Variants in CRY1 observed in about 807,000 individuals in gnomAD.
CRY1 encodes cryptochrome-1.
In CRY1, 45 loss-of-function variants were observed where a neutral mutation model predicts 76.0. That is an observed-to-expected ratio of 0.59 (90% CI 0.47 to 0.76). CRY1 has a LOEUF of 0.76. Ranked by LOEUF, CRY1 falls within the 30% of genes least tolerant of loss-of-function variation. The probability of loss-of-function intolerance (pLI) is 0.00; values close to 1 mark genes in which losing one functional copy is unlikely to be tolerated. For missense variants in CRY1, 587 were observed against 716.4 expected (o/e 0.82, Z 2.06); for synonymous variants, 248 against 244.0 (o/e 1.02, Z -0.15).
chr12:107,031,499 C>T (rs1286822671), intron 1 of CRY1, among the ~76,000 whole-genome samples: 1 of 151,850 alleles, frequency 6.6e-6, no homozygotes, highest in Non-Finnish European at 1.5e-5. Context: ...TAAAATCTCT[C>T]CTTGAATGGA....
At chr12:106,997,847 T>C (rs1441298072) in intron 8 of CRY1, 68 bp downstream of exon 8, 2 of 1,573,926 alleles carry the variant, frequency 1.3e-6, no homozygotes, top group Non-Finnish European at 1.7e-6. Context: ...CTTTAAGCAT[T>C]GATTAAACAT....
chr12:107,034,136 G>C (rs6539300), intron 1 of CRY1, among the ~76,000 whole-genome samples: 105,759 of 151,512 alleles, frequency 0.7, 37,759 homozygotes, highest in East Asian at 0.97. Flanking sequence ...AGTAAAGAAG[G>C]TAGCCAAAAC....
At position 107,044,603 on chromosome 12, in the gene CRY1, A is replaced by G. The variant is rs533128933; in HGVS notation, c.159-22411T>C. Among the ~76,000 whole-genome samples, 50 of 152,346 alleles carry G rather than the reference A, an allele frequency of 3.3e-4. No homozygotes were observed. In the South Asian group the frequency reaches 0.01, roughly 31 times the overall value. ...ATGCACAGACATCAATGCAGGGACC[A>G]ATACAGACAGACTATTCAATGAAAT... On this transcript the variant is annotated intron_variant, in intron 1 of 12. Transcript: ENST00000008527.
At chr12:107,043,200 G>C (rs989074762) in intron 1 of CRY1, 1 of 152,226 alleles carries the variant, frequency 6.6e-6, no homozygotes, top group Admixed American at 6.5e-5. Context: ...AGCAGAGACA[G>C]AGCCACTTTA....
At chr12:107,051,270 A>T (rs1037564189) in intron 1 of CRY1, among the ~76,000 whole-genome samples, 4 of 152,212 alleles carry the variant, frequency 2.6e-5, no homozygotes, top group Non-Finnish European at 5.9e-5. Context: ...CCTGTGAGTC[A>T]CATTATCTTA....
chr12:107,014,224 T>C (rs1287276815), intron 2 of CRY1, among the ~76,000 whole-genome samples: 3 of 152,176 alleles, frequency 2.0e-5, no homozygotes, highest in Non-Finnish European at 2.9e-5. Flanking sequence ...TCCTGGTAGG[T>C]ATGGGCTAAC....
intron 1 of CRY1, among the ~76,000 whole-genome samples, chr12:107,025,196 AT>A (rs1000206679): frequency 1.8e-4 from 27 of 152,282 alleles, no homozygotes; most frequent in African/African-American, 6.0e-4. Flanking sequence ...AAACAAACAC[AT>A]TTTTTTAACT....
At chr12:107,070,376 A>G (rs1418626605) in intron 1 of CRY1, among the ~76,000 whole-genome samples, 2 of 152,234 alleles carry the variant, frequency 1.3e-5, no homozygotes. Flanking sequence ...AATACAACAC[A>G]ATAGCATTTA....
chr12:107,041,675 C>T (rs1952801346), intron 1 of CRY1, among the ~76,000 whole-genome samples: 1 of 149,194 alleles, frequency 6.7e-6, no homozygotes, highest in African/African-American at 2.5e-5. Flanking sequence ...GAAGTATGTT[C>T]AACATGTTTA....
At chr12:107,036,575 A>G (rs965706301) in intron 1 of CRY1, among the ~76,000 whole-genome samples, 2 of 149,232 alleles carry the variant, frequency 1.3e-5, no homozygotes, top group Non-Finnish European at 2.9e-5. Flanking sequence ...CAGTCCATTT[A>G]AAGTTGGTGG....
rs909656583 is a variant in CRY1, at chr12:107,006,644, T to G, written c.268-1396A>C. Among the ~76,000 whole-genome samples, 98 of 151,218 alleles carry G rather than the reference T, an allele frequency of 6.5e-4. No homozygotes were observed. In the East Asian group the frequency reaches 0.014, roughly 21 times the overall value. ...AATAATATGTATTAGTAATCTTTTT[T>G]TTTTTTTTTTTTAGATGACATCTCA... On this transcript the variant is annotated intron_variant, in intron 2 of 12. Coordinates refer to ENST00000008527, the MANE Select transcript of CRY1 (RefSeq NM_004075.5).
At chr12:107,067,982 G>A (rs939738335) in intron 1 of CRY1, among the ~76,000 whole-genome samples, 8 of 152,194 alleles carry the variant, frequency 5.3e-5, no homozygotes, top group African/African-American at 1.9e-4. Context: ...TCTCTTTGTT[G>A]CTATTATACA....
intron 4 of CRY1, 54 bp from the exon 5 acceptor site, chr12:107,001,422 A>G (rs997264286): frequency 7.0e-7 from 1 of 1,423,852 alleles, no homozygotes; most frequent in Non-Finnish European, 9.7e-7. Flanking sequence ...TTTTTATTTA[A>G]CCCCAATAAC....
rs998931393 is a variant in CRY1 at position 106,991,999 on chromosome 12, T to C, written c.*3A>G. ...CTGCAACAGTATTCCTCCTGAATGT[T>C]TTCTGTGATTTAAGGGGGAAAAAAA... On this transcript the variant is annotated splice_region_variant and 3_prime_UTR_variant, in exon 13 of 13. Transcript: ENST00000008527. 3.9e-5 allele frequency: 6 copies of C among 152,186 alleles called. No individual in the cohort carries two copies. Among genetic ancestry groups the C allele is most frequent in the Non-Finnish European group, 8.8e-5 (6 of 68,000 alleles). The allele number at this position is 152,186 out of a possible 1,614,324, so 9.4% of individuals were successfully genotyped here.
At chr12:106,997,211 T>C in intron 10 of CRY1, 83 bp downstream of exon 10, 1 of 1,217,432 alleles carries the variant, frequency 8.2e-7, no homozygotes, top group East Asian at 2.3e-5. Flanking sequence ...TTTTATAAAA[T>C]ATGTTAGTGA....
chr12:107,079,910 A>C (rs931622287), intron 1 of CRY1, among the ~76,000 whole-genome samples: 1 of 152,142 alleles, frequency 6.6e-6, no homozygotes, highest in African/African-American at 2.4e-5. Context: ...TTGCAATTTT[A>C]AAAAGATCAC....
chr12:107,064,131 C>T (rs1349344814), intron 1 of CRY1, among the ~76,000 whole-genome samples: 1 of 152,068 alleles, frequency 6.6e-6, no homozygotes, highest in Admixed American at 6.5e-5. Flanking sequence ...GGATGGAATA[C>T]TATTCGACCT....
intron 1 of CRY1, among the ~76,000 whole-genome samples, chr12:107,048,553 A>G (rs998903241): frequency 1.3e-5 from 2 of 152,210 alleles, no homozygotes; most frequent in Non-Finnish European, 2.9e-5. Flanking sequence ...GGATTTCAAT[A>G]CAAACATTTC....
intron 1 of CRY1, among the ~76,000 whole-genome samples, chr12:107,064,052 T>C (rs1555201761): frequency 6.6e-6 from 1 of 152,162 alleles, no homozygotes; most frequent in Non-Finnish European, 1.5e-5. Flanking sequence ...TTAAGTTCCC[T>C]GAATGGATTG....
Sources: gnomAD v4.1 joint callset for allele counts (sites outside exome capture counted in the v4.1 genomes callset) on GRCh38, gnomAD v4.1.1 for gene constraint, MANE v1.5 for transcripts, NCBI Gene and HGNC (gene_info 2026-07-23, HGNC 2026-07-21) for gene names.